The following FAM3A variants were observed in gnomAD, a reference collection of about 807,000 sequenced individuals.
FAM3A encodes the protein protein FAM3A.
Under a neutral mutation model 18.1 loss-of-function variants are expected in FAM3A, and 5 were observed. The observed-to-expected ratio is 0.28, with a 90% CI of 0.14 to 0.58. The LOEUF is 0.58. Among genes scored for constraint, FAM3A ranks in the 20% least tolerant of loss-of-function variants. The probability of loss-of-function intolerance (pLI) is 0.91; values close to 1 mark genes in which losing one functional copy is unlikely to be tolerated. For synonymous variants in FAM3A, 108 were observed against 90.2 expected (o/e 1.20, Z -1.12); for missense variants, 154 against 216.6 (o/e 0.71, Z 1.81).
In FAM3A at chrX:154,516,053, C is replaced by T. The variant is rs922665468; in HGVS notation, c.-281G>A. ...GGGCTGGGACGAAGATGTGGTTCTCCTGGGCTCGGGCCGTTCCTCCGGGCC... is the reference window on the plus strand; with the variant it reads ...GGGCTGGGACGAAGATGTGGTTCTCTTGGGCTCGGGCCGTTCCTCCGGGCC... On this transcript the variant is annotated 5_prime_UTR_variant, in exon 1 of 9. Coordinates refer to ENST00000447601, the MANE Select transcript of FAM3A (RefSeq NM_021806.4). The T allele has an allele frequency of 1.5e-4, 51 of 344,705 alleles. No individual in the cohort carries two copies. Among genetic ancestry groups the T allele is most frequent in the Non-Finnish European group, 2.4e-4 (48 of 198,624 alleles). 28.4% of individuals were successfully genotyped at this position (344,705 alleles called of 1,213,427 possible). A position where few individuals can be genotyped will look rare whatever the true frequency, so the allele number is the denominator to read the frequency against.
rs1282252531 is a variant in FAM3A at position 154,512,706 on chromosome X, C to T, written c.127+117G>A. 2.0e-5 allele frequency: 10 copies of T among 507,872 alleles called. No individual in the cohort carries two copies. The Admixed American group carries it at 3.0e-4, about 15-fold the overall frequency. The allele number at this position is 507,872 out of a possible 1,213,427, so 41.9% of individuals were successfully genotyped here. A position where few individuals can be genotyped will look rare whatever the true frequency, so the allele number is the denominator to read the frequency against. ...ACAGACTGGGGACAGCCAAAGGTAG[C>T]CTGCCAGGGAGGAGATAGAAAACCC... is the stretch of plus-strand genomic sequence containing the variant. On this transcript the variant is annotated intron_variant, in intron 2 of 8. Coordinates refer to ENST00000447601, the MANE Select transcript of FAM3A (RefSeq NM_021806.4).
Position 154,507,472 on chromosome X carries a change from T to C in FAM3A, c.404A>G (p.Lys135Arg), listed in dbSNP as rs1168418015. The C allele has an allele frequency of 1.7e-6, 2 of 1,210,575 alleles. No individual in the cohort carries two copies. The highest frequency in any genetic ancestry group is 1.8e-5 in the South Asian group (1 of 56,895). ...GCCTTCGTGCAGTGGCCGAATAAAC[T>C]TCAACAGGTCGTTGACATCTGGGGG... ...MWAGDVNDLL[K>R]FIRPLHEGTL... Residue 135 changes from lysine to arginine, a missense_variant, in exon 7 of 9, where the codon AAG becomes AGG. By Grantham distance (26) the Lys-to-Arg change is conservative (BLOSUM62 2). This residue lies in a region of FAM3A where 112 missense variants were observed against 160.0 expected (regional missense o/e 0.70). Transcript: ENST00000447601.
At chrX:154,509,127 G>A (rs1557221281) in intron 3 of FAM3A, 1 of 223,000 alleles carries the variant, frequency 4.5e-6, no homozygotes, top group East Asian at 1.1e-4. Context: ...AGTTCAGATG[G>A]GGTCATACTG....
At chrX:154,514,415 T>G (rs182134149) in intron 1 of FAM3A, among the ~76,000 whole-genome samples, 300 of 108,541 alleles carry the variant, frequency 2.8e-3, no homozygotes, top group Non-Finnish European at 4.2e-3. Context: ...GGCTAATTTT[T>G]TTTTTTGAGA....
At position 154,506,677 on chromosome X, in the gene FAM3A, G is replaced by A. The variant is rs782487341; in HGVS notation, c.*134C>T. Reference sequence around the variant, plus strand: ...GAGACCACGTTCTGGTCACTGCCTCGGAGCCCCGATGTGTTGGGGCCAGGG... The same window carrying A: ...GAGACCACGTTCTGGTCACTGCCTCAGAGCCCCGATGTGTTGGGGCCAGGG... On this transcript the variant is annotated 3_prime_UTR_variant, in exon 9 of 9. Coordinates refer to ENST00000447601, the MANE Select transcript of FAM3A (RefSeq NM_021806.4). 8.7e-5 allele frequency: 43 copies of A among 496,146 alleles called. No individual in the cohort carries two copies. Among genetic ancestry groups the A allele is most frequent in the Middle Eastern group, 5.7e-4 (1 of 1,756 alleles). The allele number at this position is 496,146 out of a possible 1,213,427, so 40.9% of individuals were successfully genotyped here. A position where few individuals can be genotyped will look rare whatever the true frequency, so the allele number is the denominator to read the frequency against.
chrX:154,514,550 C>T (rs1203440407), intron 1 of FAM3A, among the ~76,000 whole-genome samples: 4 of 111,775 alleles, frequency 3.6e-5, no homozygotes, highest in Non-Finnish European at 5.6e-5. Flanking sequence ...ACTACAGGCG[C>T]CCGCCACCAC....
chrX:154,508,539 C>T lies in FAM3A; in HGVS notation c.210G>A (p.Leu70=). 8.3e-7 allele frequency: 1 copy of T among 1,205,181 alleles called. No homozygotes were observed. Among genetic ancestry groups the T allele is most frequent in the Non-Finnish European group, 1.1e-6 (1 of 892,038 alleles). ...CGGCCCCGCTGACCACGCGGAAGGC[C>T]AGGTGCTCCTCAGGACACGGCTGGG... ...GLPQPCPEEH[L]AFRVVSGAAN... The change falls in exon 4 of 9, where the codon CTG becomes CTA. Residue 70 remains leucine, a synonymous_variant. Coordinates refer to ENST00000447601, the MANE Select transcript of FAM3A (RefSeq NM_021806.4).
chrX:154,506,979 G>A, intron 8 of FAM3A, 73 bp from the exon 9 acceptor site: 2 of 986,635 alleles, frequency 2.0e-6, no homozygotes, highest in Non-Finnish European at 2.8e-6. Context: ...CAGGACCCAG[G>A]CTGTCAGTCA....
chrX:154,508,684 T>G, intron 3 of FAM3A, 87 bp from the exon 4 acceptor site: 1 of 1,064,290 alleles, frequency 9.4e-7, no homozygotes, highest in Non-Finnish European at 1.3e-6. Flanking sequence ...GCACACATGG[T>G]AGAACAAGTG....
chrX:154,508,469 C>T lies in FAM3A; in HGVS notation c.275+5G>A. The stretch of plus-strand genomic sequence containing the variant: ...CCTGATCCCCAGTCACCCCAGGGAG[C>T]TCACATCTTGTCCTCGAGGCAGATC... On this transcript the variant is annotated splice_donor_5th_base_variant and intron_variant, in intron 4 of 8. Coordinates refer to ENST00000447601, the MANE Select transcript of FAM3A (RefSeq NM_021806.4). 2 of 1,205,319 alleles carry T rather than the reference C, an allele frequency of 1.7e-6. No individual in the cohort carries two copies. The highest frequency in any genetic ancestry group is 2.2e-6 in the Non-Finnish European group (2 of 891,077).
chrX:154,508,270 G>A lies in FAM3A; in HGVS notation c.334+19C>T, dbSNP rs782099830. On this transcript the variant is annotated intron_variant, in intron 5 of 8. Coordinates refer to ENST00000447601, the MANE Select transcript of FAM3A (RefSeq NM_021806.4). ...GCAGGGAAGGAGGGCGGCAGGCCAC[G>A]CTCAGCCAGGGGCCTCACCGTTCAC... 7.5e-6 allele frequency: 8 copies of A among 1,070,319 alleles called. No homozygotes were observed. Among genetic ancestry groups the A allele is most frequent in the Admixed American group, 8.1e-5 (2 of 24,712 alleles). 88.2% of individuals were successfully genotyped at this position (1,070,319 alleles called of 1,213,427 possible). A position where few individuals can be genotyped will look rare whatever the true frequency, so the allele number is the denominator to read the frequency against.
rs145895727 is a variant in FAM3A at position 154,506,566 on chromosome X, T to C, written c.*245A>G. ...GATGGGCTGACCGGGGGGAACAGTG[T>C]TACGAAAAGGAGGCGGGTACCCTGG... On this transcript the variant is annotated 3_prime_UTR_variant, in exon 9 of 9. Transcript: ENST00000447601. The C allele has an allele frequency of 7.2e-3, 2,870 of 400,546 alleles. 73 individuals carry two copies. The highest frequency in any genetic ancestry group is 0.062 in the African/African-American group (2,465 of 39,467). The allele number at this position is 400,546 out of a possible 1,213,427, so 33.0% of individuals were successfully genotyped here.
intron 8 of FAM3A, 69 bp downstream of exon 8, chrX:154,507,134 G>A (rs2069582803): frequency 8.7e-7 from 1 of 1,144,243 alleles, no homozygotes; most frequent in Admixed American, 2.6e-5. Context: ...AGCTGGGGAG[G>A]CTCGTCGCAT....
At chrX:154,508,014 C>T (rs2069652473) in intron 5 of FAM3A, 153 bp from the exon 6 acceptor site, 2 of 551,554 alleles carry the variant, frequency 3.6e-6, no homozygotes, top group Non-Finnish European at 5.7e-6. Context: ...CATCCCACCC[C>T]AAGCCGTGGT....
intron 3 of FAM3A, chrX:154,511,356 A>G (rs2069860332): frequency 8.8e-6 from 1 of 113,342 alleles, no homozygotes; most frequent in Middle Eastern, 4.5e-3. Context: ...CTTGCAAAAG[A>G]GACCAACAAG....
intron 3 of FAM3A, chrX:154,511,045 G>A (rs1241339390): frequency 8.9e-6 from 1 of 111,761 alleles, no homozygotes; most frequent in African/African-American, 3.3e-5. Context: ...AGTGTTGAGA[G>A]CGTAGCCTGA....
intron 5 of FAM3A, among the ~76,000 whole-genome samples, chrX:154,508,067 A>G (rs1317057943): frequency 8.9e-6 from 1 of 112,889 alleles, no homozygotes; most frequent in African/African-American, 3.2e-5. Context: ...CTCTCCATGA[A>G]GCACCCTCAA....
intron 8 of FAM3A, 147 bp downstream of exon 8, chrX:154,507,056 A>G (rs1343926500): frequency 2.1e-6 from 2 of 933,706 alleles, no homozygotes; most frequent in Non-Finnish European, 3.0e-6. Context: ...CCAGGGAAAC[A>G]TGGCATCAGC....
intron 4 of FAM3A, 22 bp from the exon 5 acceptor site, chrX:154,508,369 G>A (rs1557220521): frequency 2.8e-6 from 1 of 356,055 alleles, no homozygotes; most frequent in Non-Finnish European, 5.0e-6. Context: ...GGGGTGGGGG[G>A]GACGGGGAGA....
Sources: allele counts gnomAD v4.1 joint callset (sites outside exome capture counted in the v4.1 genomes callset), GRCh38; gene constraint gnomAD v4.1.1; regional missense constraint gnomAD v4.1.1; transcripts MANE v1.5; gene names NCBI Gene and HGNC (gene_info 2026-07-23, HGNC 2026-07-21).